Variants in KIAA0513 observed in about 807,000 individuals in gnomAD.
KIAA0513 encodes the protein KIAA0513, also known as uncharacterized protein KIAA0513.
A neutral mutation model predicts 56.5 loss-of-function variants in KIAA0513; 39 were observed. The ratio of observed to expected loss-of-function variants is 0.69; its 90% confidence interval spans 0.53 to 0.90. KIAA0513 has a LOEUF of 0.90. KIAA0513 is among the 40% of genes least tolerant of loss of function. The pLI is 0.00. For synonymous variants in KIAA0513, 268 were observed against 215.6 expected (o/e 1.24, Z -2.13); for missense variants, 591 against 535.2 (o/e 1.10, Z -1.03).
chr16:85,043,073 A>G (rs1289758118), intron 1 of KIAA0513, among the ~76,000 whole-genome samples: 1 of 152,236 alleles, frequency 6.6e-6, no homozygotes, highest in Non-Finnish European at 1.5e-5. Context: ...ATTTGCTAAT[A>G]TGTCATAACA....
intron 1 of KIAA0513, among the ~76,000 whole-genome samples, chr16:85,033,134 G>A (rs929311600): frequency 6.6e-5 from 10 of 152,276 alleles, no homozygotes; most frequent in East Asian, 3.9e-4. Flanking sequence ...ACGTTTTTAC[G>A]AGAAGCATTC....
chr16:85,061,660 C>G (rs2073406944), intron 1 of KIAA0513, among the ~76,000 whole-genome samples: 1 of 152,190 alleles, frequency 6.6e-6, no homozygotes, highest in Non-Finnish European at 1.5e-5. Context: ...TTGCCCAAGG[C>G]CAACCTGCTG....
At position 85,076,037 on chromosome 16, in the gene KIAA0513, G is replaced by C; in HGVS notation, c.574+123G>C. ...ATGGGGCCTCCAGAGAACAGAGGAAGCTGATGTTAGGGAGGAGTGAGACTT... is the reference window on the plus strand; with the variant it reads ...ATGGGGCCTCCAGAGAACAGAGGAACCTGATGTTAGGGAGGAGTGAGACTT... On this transcript the variant is annotated intron_variant, in intron 5 of 12. Coordinates refer to ENST00000683363, the MANE Select transcript of KIAA0513 (RefSeq NM_001388359.1). This position sits in a 1 kb window ranked among gnomAD's most constrained non-coding sequence, Gnocchi z 4.7. 1.4e-6 allele frequency: 1 copy of C among 708,722 alleles called. No individual in the cohort carries two copies. The highest frequency in any genetic ancestry group is 1.6e-5 in the South Asian group (1 of 62,216). 43.9% of individuals were successfully genotyped at this position (708,722 alleles called of 1,614,324 possible). A position where few individuals can be genotyped will look rare whatever the true frequency, so the allele number is the denominator to read the frequency against.
chr16:85,044,901 G>A (rs1314628656), intron 1 of KIAA0513, among the ~76,000 whole-genome samples: 1 of 152,024 alleles, frequency 6.6e-6, no homozygotes, highest in South Asian at 2.1e-4. Flanking sequence ...GGTGGATCAT[G>A]AGGTCAGGAG....
chr16:85,088,127 C>A (rs3751753), intron 12 of KIAA0513, 149 bp from the exon 13 acceptor site: 137,077 of 701,118 alleles, frequency 0.2, 16,087 homozygotes, highest in African/African-American at 0.44. Flanking sequence ...GCACGCAAGC[C>A]GTGTGGCCTG....
At chr16:85,067,446 C>A in intron 2 of KIAA0513, 46 bp downstream of exon 2, 1 of 1,459,456 alleles carries the variant, frequency 6.9e-7, no homozygotes, top group Non-Finnish European at 9.3e-7. Context: ...GCCACAGGGC[C>A]CAAGGGGACT....
chr16:85,049,887 T>C (rs2073225405), intron 1 of KIAA0513, among the ~76,000 whole-genome samples: 2 of 152,240 alleles, frequency 1.3e-5, no homozygotes, highest in South Asian at 4.1e-4. Flanking sequence ...TAAGTGTGGC[T>C]GTCTCCATGC....
intron 1 of KIAA0513, among the ~76,000 whole-genome samples, chr16:85,030,935 C>G (rs1010452576): frequency 6.6e-6 from 1 of 152,038 alleles, no homozygotes; most frequent in South Asian, 2.1e-4. Flanking sequence ...CCCCAGCACA[C>G]GAACAGAAGT....
intron 1 of KIAA0513, among the ~76,000 whole-genome samples, chr16:85,048,089 AG>A (rs1464091158): frequency 6.6e-6 from 1 of 152,232 alleles, no homozygotes; most frequent in Admixed American, 6.5e-5. Context: ...GATTACAAAC[AG>A]AAATGAGGAA....
rs764571885 is a variant in KIAA0513 at position 85,078,444 on chromosome 16, G to A, written c.812G>A (p.Arg271Gln). Reference sequence around the variant, plus strand: ...GACGAGAACAAACCCCAGGAGAAGCGGCCCAGGGCTGGTGAGTCTGCCCAG... The same window carrying A: ...GACGAGAACAAACCCCAGGAGAAGCAGCCCAGGGCTGGTGAGTCTGCCCAG... The part of the protein sequence containing the change: ...EEDENKPQEK[R>Q]PRAVTAYSPE... Residue 271 changes from arginine to glutamine, a missense_variant, in exon 7 of 13, where the codon CGG (arginine) becomes CAG (glutamine). By Grantham distance (43) the Arg-to-Gln change is conservative. Coordinates refer to ENST00000683363, the MANE Select transcript of KIAA0513 (RefSeq NM_001388359.1). 5.6e-6 allele frequency: 9 copies of A among 1,613,766 alleles called. No individual in the cohort carries two copies. Among genetic ancestry groups the A allele is most frequent in the Middle Eastern group, 1.6e-4 (1 of 6,062 alleles).
chr16:85,064,315 A>G (rs1046993601), intron 1 of KIAA0513, among the ~76,000 whole-genome samples: 4 of 151,978 alleles, frequency 2.6e-5, no homozygotes, highest in Non-Finnish European at 4.4e-5. Flanking sequence ...CCGTTTTACT[A>G]TATTTAGGTA....
chr16:85,040,506 G>C (rs1016700952), intron 1 of KIAA0513, among the ~76,000 whole-genome samples: 1 of 152,090 alleles, frequency 6.6e-6, no homozygotes, highest in Non-Finnish European at 1.5e-5. Context: ...CTCCAGCCTG[G>C]GTGACAGGAT....
chr16:85,089,696 G>A lies in KIAA0513; in HGVS notation c.*1371G>A, dbSNP rs188738933. 3 of 152,308 alleles carry A rather than the reference G, an allele frequency of 2.0e-5. No individual in the cohort carries two copies. The highest frequency in any genetic ancestry group is 1.9e-4 in the East Asian group (1 of 5,156). 9.4% of individuals were successfully genotyped at this position (152,308 alleles called of 1,614,324 possible). ...TTCCTGGCTACCTCCTCTGACATGC[G>A]GTCAGATAAGTCCCGTCTTGTTTGT... On this transcript the variant is annotated 3_prime_UTR_variant, in exon 13 of 13. Coordinates refer to ENST00000683363, the MANE Select transcript of KIAA0513 (RefSeq NM_001388359.1). This position sits in a 1 kb window ranked among gnomAD's most constrained non-coding sequence, Gnocchi z 4.2.
chr16:85,077,474 C>T lies in KIAA0513; in HGVS notation c.624C>T (p.Ser208=), dbSNP rs759418209. 4 of 1,614,042 alleles carry T rather than the reference C, an allele frequency of 2.5e-6. No individual in the cohort carries two copies. The African/African-American group carries it at 5.3e-5, about 22-fold the overall frequency. ...PPESREKPAG[S]IDSYLKSANS... is the part of the protein sequence containing the mutation. ...AGTCCCGGGAGAAGCCCGCGGGCAGCATCGACTCCTACCTGAAATCCGCAA... is the reference window on the plus strand; with the variant it reads ...AGTCCCGGGAGAAGCCCGCGGGCAGTATCGACTCCTACCTGAAATCCGCAA... Residue 208 remains serine, a synonymous_variant, in exon 6 of 13, where the codon AGC becomes AGT. Transcript: ENST00000683363.
intron 1 of KIAA0513, among the ~76,000 whole-genome samples, chr16:85,052,021 C>A (rs920289673): frequency 6.6e-6 from 1 of 151,664 alleles, no homozygotes; most frequent in Non-Finnish European, 1.5e-5. Flanking sequence ...GGTTGTTATC[C>A]TTTCTAAAAC....
At chr16:85,042,134 A>G (rs892242748) in intron 1 of KIAA0513, among the ~76,000 whole-genome samples, 1 of 152,170 alleles carries the variant, frequency 6.6e-6, no homozygotes, top group Admixed American at 6.5e-5. Flanking sequence ...AATTATTGTA[A>G]TAACATTCAA....
intron 1 of KIAA0513, among the ~76,000 whole-genome samples, chr16:85,030,655 A>T (rs942094983): frequency 1.3e-5 from 2 of 151,900 alleles, no homozygotes; most frequent in Non-Finnish European, 2.9e-5. Context: ...GCTGAGGCAG[A>T]ATCACTGGAA....
At chr16:85,073,033 G>A in intron 4 of KIAA0513, 35 bp downstream of exon 4, 1 of 1,573,308 alleles carries the variant, frequency 6.4e-7, no homozygotes, top group Non-Finnish European at 8.7e-7. Flanking sequence ...CTTTGTCCTG[G>A]CAAGCTCCTC....
chr16:85,082,464 C>A, intron 9 of KIAA0513, 100 bp from the exon 10 acceptor site: 3 of 1,131,100 alleles, frequency 2.7e-6, no homozygotes, highest in Admixed American at 1.8e-5. Flanking sequence ...TCCGTTTCTG[C>A]CTGTAATAAC....
Sources: allele counts gnomAD v4.1 joint callset (sites outside exome capture counted in the v4.1 genomes callset), GRCh38; gene constraint gnomAD v4.1.1; non-coding constraint Gnocchi (gnomAD v3.1); transcripts MANE v1.5; gene names NCBI Gene and HGNC (gene_info 2026-07-23, HGNC 2026-07-21).